NKAIN2: variants seen among roughly 807,000 people sequenced by gnomAD.
The protein encoded by NKAIN2 is sodium/potassium-transporting ATPase subunit beta-1-interacting protein 2.
In NKAIN2, 14 loss-of-function variants were observed where a neutral mutation model predicts 32.6. The ratio of observed to expected loss-of-function variants is 0.43; its 90% CI spans 0.28 to 0.67. The LOEUF (loss-of-function observed/expected upper bound fraction) is 0.67. NKAIN2 is among the 30% of genes least tolerant of loss of function. NKAIN2 has a pLI of 0.17. For synonymous variants in NKAIN2, 80 were observed against 87.2 expected, an observed-to-expected ratio of 0.92 and a Z score of 0.46; for missense variants, 198 against 258.3, an observed-to-expected ratio of 0.77 and a Z score of 1.60.
At chr6:124,088,357 C>T (rs1448829149) in intron 1 of NKAIN2, among the ~76,000 whole-genome samples, 1 of 151,830 alleles carries the variant, frequency 6.6e-6, no homozygotes, top group Non-Finnish European at 1.5e-5. Flanking sequence ...GAAGTTTGGG[C>T]TCAATCATGC....
intron 1 of NKAIN2, among the ~76,000 whole-genome samples, chr6:123,831,643 G>A (rs1404636185): frequency 1.4e-5 from 2 of 142,552 alleles, no homozygotes; most frequent in Non-Finnish European, 3.1e-5. Flanking sequence ...TGGTACCTTT[G>A]TTACAGTTTT....
intron 4 of NKAIN2, among the ~76,000 whole-genome samples, chr6:124,785,691 C>T (rs73770556): frequency 6.6e-6 from 1 of 152,100 alleles, no homozygotes; most frequent in Non-Finnish European, 1.5e-5. Flanking sequence ...TCCTGCCCCC[C>T]ACTAGCCTCT....
At chr6:123,976,309 TTCCATATATATATATG>T (rs759735716) in intron 1 of NKAIN2, among the ~76,000 whole-genome samples, 3,742 of 67,148 alleles carry the variant, frequency 0.056, 750 homozygotes, top group East Asian at 0.39. Context: ...ATATATATGT[TTCCATATATATATATG>T]TTCCCATATA....
Position 123,803,921 on chromosome 6 carries a change from C to G in NKAIN2, c.-280C>G, listed in dbSNP as rs1282612728. On this transcript the variant is annotated 5_prime_UTR_variant, in exon 1 of 7. Coordinates refer to ENST00000368417, the MANE Select transcript of NKAIN2 (RefSeq NM_001040214.3). ...CTGCCGCTGCTGCCCCTGCGGGCCCCGAGCGCGCCTCCGCAGGCGGCACTG... is the reference window on the plus strand; with the variant it reads ...CTGCCGCTGCTGCCCCTGCGGGCCCGGAGCGCGCCTCCGCAGGCGGCACTG... Among the ~76,000 whole-genome samples the G allele has an allele frequency of 6.7e-6, 1 of 148,548 alleles. No individual in the cohort carries two copies. The highest frequency in any genetic ancestry group is 1.5e-5 in the Non-Finnish European group (1 of 66,712).
intron 4 of NKAIN2, among the ~76,000 whole-genome samples, chr6:124,673,250 A>G (rs1773193796): frequency 6.6e-6 from 1 of 152,046 alleles, no homozygotes; most frequent in Non-Finnish European, 1.5e-5. Context: ...ATAACATTCC[A>G]TGATATGTAT....
intron 1 of NKAIN2, among the ~76,000 whole-genome samples, chr6:124,024,914 G>A (rs1398582939): frequency 1.3e-5 from 2 of 152,022 alleles, no homozygotes; most frequent in Admixed American, 6.6e-5. Context: ...TTGAACTTGG[G>A]AGGCAGAGGT....
rs924412285 is a variant in NKAIN2 at position 124,136,025 on chromosome 6, A to G, written c.55-146980A>G. 7.9e-5 allele frequency among the ~76,000 whole-genome samples: 12 copies of G among 152,246 alleles called. No individual in the cohort carries two copies. The East Asian group carries it at 2.3e-3, about 29-fold the overall frequency. On this transcript the variant is annotated intron_variant, in intron 1 of 6. Transcript: ENST00000368417. ...AACCCAGCAGAAAAAAAGCAATAACAAAGATCAGAGCAGAAAAAAATGAAA... is the reference window on the plus strand; with the variant it reads ...AACCCAGCAGAAAAAAAGCAATAACGAAGATCAGAGCAGAAAAAAATGAAA...
intron 2 of NKAIN2, among the ~76,000 whole-genome samples, chr6:124,331,374 A>AAAAAAAAAAAAC (rs1797649524): frequency 1.4e-5 from 2 of 144,906 alleles, no homozygotes; most frequent in African/African-American, 5.2e-5. Flanking sequence ...AAAAAAAAAA[A>AAAAAAAAAAAAC]AAAAACTAGC....
chr6:124,111,103 T>A (rs1785365668), intron 1 of NKAIN2, among the ~76,000 whole-genome samples: 1 of 152,096 alleles, frequency 6.6e-6, no homozygotes, highest in South Asian at 2.1e-4. Flanking sequence ...AGGGTATAAT[T>A]TTTCATACTA....
At chr6:124,361,078 G>A (rs552833207) in intron 3 of NKAIN2, among the ~76,000 whole-genome samples, 55 of 152,264 alleles carry the variant, frequency 3.6e-4, no homozygotes, top group Non-Finnish European at 7.2e-4. Flanking sequence ...TTTCAACACA[G>A]AAGAGATATG....
chr6:124,340,721 C>T (rs1048595498), intron 2 of NKAIN2, among the ~76,000 whole-genome samples: 12 of 152,140 alleles, frequency 7.9e-5, no homozygotes, highest in Non-Finnish European at 1.2e-4. Context: ...GTTTTGTTAA[C>T]GTTCAAGTTT....
chr6:124,758,071 C>T (rs981485356), intron 4 of NKAIN2, among the ~76,000 whole-genome samples: 1 of 152,116 alleles, frequency 6.6e-6, no homozygotes, highest in African/African-American at 2.4e-5. Flanking sequence ...AGAATGTTTG[C>T]ATATTATCCC....
intron 3 of NKAIN2, among the ~76,000 whole-genome samples, chr6:124,487,896 C>T (rs1777716143): frequency 6.6e-6 from 1 of 152,068 alleles, no homozygotes; most frequent in African/African-American, 2.4e-5. Context: ...TATACTTTGA[C>T]ACCTTTTAAG....
At chr6:124,063,327 T>C (rs546317934) in intron 1 of NKAIN2, among the ~76,000 whole-genome samples, 1 of 152,312 alleles carries the variant, frequency 6.6e-6, no homozygotes, top group Admixed American at 6.5e-5. Context: ...GTAATCAAAG[T>C]ACTATGTTTT....
chr6:124,219,275 CT>C (rs1402442037), intron 1 of NKAIN2, among the ~76,000 whole-genome samples: 16 of 93,076 alleles, frequency 1.7e-4, no homozygotes, highest in African/African-American at 6.0e-4. Flanking sequence ...TTTCTTTTTT[CT>C]TTTTTTCTTT....
At chr6:124,462,809 A>G (rs1776585754) in intron 3 of NKAIN2, among the ~76,000 whole-genome samples, 1 of 152,094 alleles carries the variant, frequency 6.6e-6, no homozygotes, top group African/African-American at 2.4e-5. Flanking sequence ...CACATCAGAG[A>G]AAATATAGAA....
chr6:124,090,393 A>C (rs1201060158), intron 1 of NKAIN2, among the ~76,000 whole-genome samples: 1 of 152,000 alleles, frequency 6.6e-6, no homozygotes, highest in Non-Finnish European at 1.5e-5. Flanking sequence ...TGGGGAGTAA[A>C]CTTTCTGACT....
At chr6:124,093,060 TA>T (rs1784500120) in intron 1 of NKAIN2, among the ~76,000 whole-genome samples, 1 of 152,126 alleles carries the variant, frequency 6.6e-6, no homozygotes, top group Admixed American at 6.6e-5. Context: ...TTAAATGTTA[TA>T]AATGTTGTAC....
chr6:123,922,306 G>A (rs1775793074), intron 1 of NKAIN2, among the ~76,000 whole-genome samples: 2 of 152,296 alleles, frequency 1.3e-5, no homozygotes, highest in Admixed American at 1.3e-4. Context: ...GAGAATTGGA[G>A]AGCTTGTATT....
Sources: allele counts gnomAD v4.1 joint callset (sites outside exome capture counted in the v4.1 genomes callset), GRCh38; gene constraint gnomAD v4.1.1; transcripts MANE v1.5; gene names NCBI Gene and HGNC (gene_info 2026-07-23, HGNC 2026-07-21).